The following TMBIM4 variants were observed in gnomAD, a reference collection of about 807,000 sequenced individuals.
TMBIM4 encodes the protein protein lifeguard 4.
Under a neutral mutation model 27.7 loss-of-function variants are expected in TMBIM4, and 28 were observed. The ratio of observed to expected loss-of-function variants is 1.01; its 90% CI spans 0.75 to 1.38. TMBIM4 has a LOEUF of 1.38. Among genes scored for constraint, TMBIM4 ranks in the 40% most tolerant of loss-of-function variants. The probability of loss-of-function intolerance (pLI) is 0.00; values close to 1 mark genes in which losing one functional copy is unlikely to be tolerated. For missense variants in TMBIM4, 265 were observed against 277.5 expected (o/e 0.95, Z 0.32); for synonymous variants, 115 against 113.1 (o/e 1.02, Z -0.11).
intron 1 of TMBIM4, among the ~76,000 whole-genome samples, chr12:66,154,119 T>C (rs1443653872): frequency 6.6e-6 from 1 of 152,184 alleles, no homozygotes; most frequent in East Asian, 1.9e-4. Flanking sequence ...CAAGAACTCA[T>C]TACCACCTTC....
chr12:66,153,183 C>T (rs1454450935), intron 2 of TMBIM4, among the ~76,000 whole-genome samples, 157 bp downstream of exon 2: 1 of 151,944 alleles, frequency 6.6e-6, no homozygotes, highest in African/African-American at 2.4e-5. Context: ...TATTTTTCTT[C>T]ATCAAAAACA....
chr12:66,160,374 A>C, intron 1 of TMBIM4: 1 of 594,320 alleles, frequency 1.7e-6, no homozygotes, highest in Non-Finnish European at 3.0e-6. Flanking sequence ...CCAAAAATTT[A>C]TAGTAAAGTC....
intron 4 of TMBIM4, among the ~76,000 whole-genome samples, chr12:66,147,329 T>C (rs1156708048): frequency 6.6e-6 from 1 of 152,160 alleles, no homozygotes; most frequent in Non-Finnish European, 1.5e-5. Flanking sequence ...GTTAACCATT[T>C]TGAGACAATC....
chr12:66,142,069 AT>A (rs1388426655), intron 5 of TMBIM4, among the ~76,000 whole-genome samples: 2 of 152,152 alleles, frequency 1.3e-5, no homozygotes, highest in Non-Finnish European at 2.9e-5. Flanking sequence ...CCATTAAAAA[AT>A]AAATAAATAA....
At chr12:66,166,464 CAA>C (rs59822799) in intron 1 of TMBIM4, among the ~76,000 whole-genome samples, 112 of 100,680 alleles carry the variant, frequency 1.1e-3, no homozygotes, top group African/African-American at 3.7e-3. Flanking sequence ...TACTTTGTCT[CAA>C]AAAAAAAAAA....
At chr12:66,164,630 T>C (rs1421853245) in intron 1 of TMBIM4, among the ~76,000 whole-genome samples, 3 of 152,232 alleles carry the variant, frequency 2.0e-5, no homozygotes, top group Non-Finnish European at 2.9e-5. Context: ...CCAGCACTAA[T>C]GTCTTACTCA....
intron 1 of TMBIM4, among the ~76,000 whole-genome samples, chr12:66,167,783 G>A (rs1478402616): frequency 1.3e-5 from 2 of 152,084 alleles, no homozygotes; most frequent in Non-Finnish European, 2.9e-5. Flanking sequence ...ATTAAAGCAC[G>A]GTCTTGAAGA....
intron 1 of TMBIM4, among the ~76,000 whole-genome samples, chr12:66,167,422 AAATT>A (rs1267985217): frequency 6.6e-6 from 1 of 152,244 alleles, no homozygotes; most frequent in African/African-American, 2.4e-5. Context: ...TGCTTTTAAA[AAATT>A]AATTGGGCAA....
At chr12:66,169,649 C>T (rs1273915915) in intron 1 of TMBIM4, 1 of 463,052 alleles carries the variant, frequency 2.2e-6, no homozygotes, top group Non-Finnish European at 3.8e-6. Flanking sequence ...CCTCCCACAC[C>T]CGCTAGGAGG....
Sources: allele counts gnomAD v4.1 joint callset (sites outside exome capture counted in the v4.1 genomes callset), GRCh38; gene constraint gnomAD v4.1.1; transcripts MANE v1.5; gene names NCBI Gene and HGNC (gene_info 2026-07-23, HGNC 2026-07-21).